ADAMTS18: variants seen among roughly 807,000 people sequenced by gnomAD.
ADAMTS18 encodes A disintegrin and metalloproteinase with thrombospondin motifs 18.
A neutral mutation model predicts 165.9 loss-of-function variants in ADAMTS18; 157 were observed. That is an observed-to-expected ratio of 0.95 (90% CI 0.83 to 1.08). ADAMTS18 has a LOEUF of 1.08. Ranked by LOEUF, ADAMTS18 falls within the 50% of genes least tolerant of loss-of-function variation. The pLI is 0.00. For missense variants in ADAMTS18, 2,040 were observed against 1,534.0 expected, an observed-to-expected ratio of 1.33 and a Z score of -5.51; for synonymous variants, 782 against 578.2, an observed-to-expected ratio of 1.35 and a Z score of -5.06.
At chr16:77,427,768 A>C (rs2057691664) in intron 3 of ADAMTS18, among the ~76,000 whole-genome samples, 1 of 152,234 alleles carries the variant, frequency 6.6e-6, no homozygotes, top group African/African-American at 2.4e-5. Flanking sequence ...TTCTGGAATA[A>C]AGGGAGACCT....
chr16:77,323,669 T>C (rs2056043975), intron 13 of ADAMTS18, among the ~76,000 whole-genome samples: 1 of 152,086 alleles, frequency 6.6e-6, no homozygotes, highest in Non-Finnish European at 1.5e-5. Flanking sequence ...ATTGTCCACA[T>C]TTATGAAAAA....
chr16:77,388,426 C>G (rs928371565), intron 3 of ADAMTS18, among the ~76,000 whole-genome samples: 1 of 152,082 alleles, frequency 6.6e-6, no homozygotes, highest in African/African-American at 2.4e-5. Flanking sequence ...ACCATCTCAT[C>G]AAAAACACTT....
At chr16:77,416,503 G>C (rs2057532211) in intron 3 of ADAMTS18, among the ~76,000 whole-genome samples, 1 of 152,170 alleles carries the variant, frequency 6.6e-6, no homozygotes, top group African/African-American at 2.4e-5. Flanking sequence ...TAAGACTCAG[G>C]AGATCTGATG....
At chr16:77,424,520 C>A (rs2057646752) in intron 3 of ADAMTS18, among the ~76,000 whole-genome samples, 1 of 151,588 alleles carries the variant, frequency 6.6e-6, no homozygotes, top group Non-Finnish European at 1.5e-5. Flanking sequence ...GGCCTTTCAG[C>A]CTCCCATGTG....
intron 22 of ADAMTS18, among the ~76,000 whole-genome samples, chr16:77,285,554 T>C (rs566835767): frequency 1.3e-5 from 2 of 151,250 alleles, no homozygotes; most frequent in African/African-American, 4.9e-5. Flanking sequence ...ATGCTTAGAG[T>C]TCCTTCTTCA....
At chr16:77,375,563 C>T (rs980866293) in intron 3 of ADAMTS18, among the ~76,000 whole-genome samples, 1 of 152,166 alleles carries the variant, frequency 6.6e-6, no homozygotes, top group Non-Finnish European at 1.5e-5. Flanking sequence ...CATGATGGAA[C>T]TGAGAGACTG....
In ADAMTS18 at chr16:77,293,123, A is replaced by G. The variant is rs761662175; in HGVS notation, c.3142T>C (p.Cys1048Arg). Residue 1048 changes from cysteine (C) to arginine (R), a missense_variant, in exon 20 of 23, where the codon TGC becomes CGC. By Grantham distance (180) the Cys-to-Arg change is radical. Coordinates refer to ENST00000282849, the MANE Select transcript of ADAMTS18 (RefSeq NM_199355.4). Reference protein sequence around the residue: ...ELQEGCVLGRCPKNSRLQWVA... With the variant: ...ELQEGCVLGRRPKNSRLQWVA... ...CACTGTAGCCGGCTGTTCTTGGGGC[A>G]TCGTCCAAGCACACAGCCCTCCTGC... is the stretch of plus-strand genomic sequence containing the variant. 19 of 1,614,040 alleles carry G rather than the reference A, an allele frequency of 1.2e-5. No individual in the cohort carries two copies. Among genetic ancestry groups the G allele is most frequent in the Non-Finnish European group, 1.5e-5 (18 of 1,179,990 alleles).
chr16:77,419,485 C>G (rs920644054), intron 3 of ADAMTS18, among the ~76,000 whole-genome samples: 2 of 152,162 alleles, frequency 1.3e-5, no homozygotes, highest in Non-Finnish European at 2.9e-5. Flanking sequence ...TGCTAAACCC[C>G]TCTAGCTATG....
chr16:77,375,875 T>C (rs1339883616), intron 3 of ADAMTS18, among the ~76,000 whole-genome samples: 1 of 149,744 alleles, frequency 6.7e-6, no homozygotes, highest in African/African-American at 2.5e-5. Context: ...TTTTATGTCG[T>C]TTTTTCTTTC....
intron 3 of ADAMTS18, among the ~76,000 whole-genome samples, chr16:77,410,804 A>ACC (rs2057452441): frequency 6.6e-6 from 1 of 152,170 alleles, no homozygotes; most frequent in South Asian, 2.1e-4. Context: ...AGGACTGAGT[A>ACC]CAGGTAGCTG....
At chr16:77,434,557 C>T (rs1394662403) in intron 1 of ADAMTS18, 49 bp downstream of exon 1, 13 of 1,531,612 alleles carry the variant, frequency 8.5e-6, no homozygotes, top group Non-Finnish European at 1.0e-5. Flanking sequence ...GGGCTGGCGT[C>T]GGGCGCCCCC....
intron 11 of ADAMTS18, 142 bp from the exon 12 acceptor site, chr16:77,336,046 C>CTG: frequency 9.8e-7 from 1 of 1,018,280 alleles, no homozygotes. Flanking sequence ...AATTCCTCTG[C>CTG]TGTGCTCTAA....
intron 3 of ADAMTS18, among the ~76,000 whole-genome samples, chr16:77,388,573 T>A (rs1007746122): frequency 6.6e-6 from 1 of 152,210 alleles, no homozygotes; most frequent in Non-Finnish European, 1.5e-5. Context: ...CCTCAGTTTA[T>A]TGAACACAGA....
At chr16:77,349,524 T>TAAAAA (rs767997537) in intron 10 of ADAMTS18, among the ~76,000 whole-genome samples, 955 of 71,514 alleles carry the variant, frequency 0.013, 65 homozygotes, top group African/African-American at 0.053. Context: ...TCATCTTATG[T>TAAAAA]AAAAAAAAAA....
chr16:77,313,989 T>C (rs1437570692), intron 16 of ADAMTS18, among the ~76,000 whole-genome samples: 2 of 152,224 alleles, frequency 1.3e-5, no homozygotes, highest in African/African-American at 2.4e-5. Context: ...GGATTCACTG[T>C]TGAGCTCCAA....
chr16:77,364,466 A>T (rs2056763611), intron 4 of ADAMTS18, 85 bp from the exon 5 acceptor site: 30 of 1,439,982 alleles, frequency 2.1e-5, no homozygotes, highest in Non-Finnish European at 2.7e-5. Flanking sequence ...ACAAGGGAAG[A>T]AGAGAAACTA....
intron 16 of ADAMTS18, among the ~76,000 whole-genome samples, chr16:77,317,728 C>G (rs1052243801): frequency 1.3e-5 from 2 of 152,216 alleles, no homozygotes; most frequent in South Asian, 2.1e-4. Context: ...CTCCCACACA[C>G]TGGGTAAGAG....
At chr16:77,290,857 A>C in intron 21 of ADAMTS18, 1 of 252,232 alleles carries the variant, frequency 4.0e-6, no homozygotes, top group Non-Finnish European at 7.7e-6. Flanking sequence ...TAGCTTGACA[A>C]ATATTAGCTA....
At chr16:77,403,994 A>ACCCTTCCTCCCT (rs2057363136) in intron 3 of ADAMTS18, among the ~76,000 whole-genome samples, 1 of 119,714 alleles carries the variant, frequency 8.4e-6, no homozygotes, top group African/African-American at 3.0e-5. Context: ...GAAGCAACCC[A>ACCCTTCCTCCCT]CCCTTCCTCC....
Sources: gnomAD v4.1 joint callset for allele counts (sites outside exome capture counted in the v4.1 genomes callset) on GRCh38, gnomAD v4.1.1 for gene constraint, MANE v1.5 for transcripts, NCBI Gene and HGNC (gene_info 2026-07-23, HGNC 2026-07-21) for gene names.